The following ZNF227 variants were observed in gnomAD, a reference collection of about 807,000 sequenced individuals.
ZNF227 encodes zinc finger protein 227.
In ZNF227, 12 loss-of-function variants were observed where a neutral mutation model predicts 13.2. The observed-to-expected ratio is 0.91, with a 90% CI of 0.58 to 1.47. The LOEUF (loss-of-function observed/expected upper bound fraction) is 1.47, where lower values mean the gene tolerates loss of function less well. ZNF227 is among the 40% of genes most tolerant of loss of function. ZNF227 has a pLI of 0.00. For synonymous variants in ZNF227, 338 were observed against 326.0 expected (o/e 1.04, Z -0.40); for missense variants, 885 against 967.5 (o/e 0.91, Z 1.13).
At chr19:44,216,958 G>GTTTT (rs35474532) in intron 2 of ZNF227, among the ~76,000 whole-genome samples, 129 of 91,602 alleles carry the variant, frequency 1.4e-3, no homozygotes, top group African/African-American at 1.7e-3. Flanking sequence ...TCATCTGCTT[G>GTTTT]TTTTTTTTTT....
intron 5 of ZNF227, 140 bp downstream of exon 5, chr19:44,229,956 C>T (rs2122879320): frequency 4.4e-6 from 2 of 457,462 alleles, no homozygotes; most frequent in East Asian, 3.5e-5. Context: ...CTGGTCTCCC[C>T]ACCTCCTCCC....
At position 44,235,017 on chromosome 19, in the gene ZNF227, A is replaced by T; in HGVS notation, c.587A>T (p.Asp196Val). The T allele has an allele frequency of 6.2e-7, 1 of 1,614,174 alleles. No homozygotes were observed. Among genetic ancestry groups the T allele is most frequent in the Non-Finnish European group, 8.5e-7 (1 of 1,180,032 alleles). The change falls in exon 6 of 6, where the codon GAT becomes GTT. Residue 196 changes from aspartate (D) to valine (V), a missense_variant. Asp to Val is a radical substitution (Grantham distance 152). Transcript: ENST00000313040. ...ATTCAGAGTAGAGGTAAGCAAATTG[A>T]TGTGAAAAATAACCTGCAAATACAT... Reference protein sequence around the residue: ...SQIQSRGKQIDVKNNLQIHED... With the variant: ...SQIQSRGKQIVVKNNLQIHED...
At chr19:44,228,363 G>T in intron 3 of ZNF227, 83 bp from the exon 4 acceptor site, 3 of 1,492,680 alleles carry the variant, frequency 2.0e-6, no homozygotes, top group Non-Finnish European at 1.8e-6. Flanking sequence ...ACTTTTTTGT[G>T]GTGCTCTTTT....
intron 3 of ZNF227, among the ~76,000 whole-genome samples, chr19:44,219,784 T>TTTA (rs1161246467): frequency 6.0e-4 from 91 of 151,010 alleles, no homozygotes; most frequent in African/African-American, 2.2e-3. Flanking sequence ...TATTTATTTA[T>TTTA]TTATTATTAT....
chr19:44,234,887 A>G lies in ZNF227; in HGVS notation c.457A>G (p.Ile153Val), dbSNP rs762886838. The change falls in exon 6 of 6, where the codon ATA becomes GTA. Residue 153 changes from isoleucine (I) to valine (V), a missense_variant. By Grantham distance (29) the Ile-to-Val change is conservative (BLOSUM62 3). Transcript: ENST00000313040. ...TCAGGTTTCTGAAAATGAGAACAAT[A>G]TAATGAACCCTAAAGGAGATAGCTC... ...SIQVSENENN[I>V]MNPKGDSSIY... 1.2e-6 allele frequency: 2 copies of G among 1,613,282 alleles called. No individual in the cohort carries two copies. Among genetic ancestry groups the G allele is most frequent in the Non-Finnish European group, 1.7e-6 (2 of 1,179,836 alleles).
In ZNF227 at chr19:44,217,905, T is replaced by A; in HGVS notation, c.60+53T>A. 8 of 1,591,534 alleles carry A rather than the reference T, an allele frequency of 5.0e-6. 1 individual carries two copies. In the South Asian group the frequency reaches 8.8e-5, roughly 18 times the overall value. On this transcript the variant is annotated intron_variant, in intron 3 of 5. Transcript: ENST00000313040. ...TAAAATGTGATTTATTTCTCAAAGA[T>A]AACAGATTTATTTTTTCTCTTTCTT...
intron 3 of ZNF227, among the ~76,000 whole-genome samples, chr19:44,227,843 T>C (rs1187214155): frequency 6.6e-6 from 1 of 152,154 alleles, no homozygotes; most frequent in Non-Finnish European, 1.5e-5. Context: ...CATCCTGTAG[T>C]AGGTGGATGT....
At chr19:44,220,089 G>A (rs1239057420) in intron 3 of ZNF227, among the ~76,000 whole-genome samples, 1 of 152,074 alleles carries the variant, frequency 6.6e-6, no homozygotes, top group Non-Finnish European at 1.5e-5. Flanking sequence ...TTTCATCCAT[G>A]TCCCTACAAA....
intron 2 of ZNF227, among the ~76,000 whole-genome samples, chr19:44,216,387 T>C (rs1599774235): frequency 6.6e-6 from 1 of 152,206 alleles, no homozygotes; most frequent in Non-Finnish European, 1.5e-5. Flanking sequence ...AGGTCAACTA[T>C]ATTTTCTTTC....
Position 44,235,245 on chromosome 19 carries a change from A to G in ZNF227, c.815A>G (p.His272Arg), listed in dbSNP as rs762753006. ...AGGCTTCCCCTTCATCCGAATGTTC[A>G]TACAGGAGAAAAATGCTTCAGTCAA... ...SPRLPLHPNV[H>R]TGEKCFSQSS... The change falls in exon 6 of 6, where the codon CAT becomes CGT. Residue 272 changes from histidine (H) to arginine (R), a missense_variant. Transcript: ENST00000313040. The G allele has an allele frequency of 1.9e-6, 3 of 1,614,138 alleles. No homozygotes were observed. The South Asian group carries it at 3.3e-5, about 18-fold the overall frequency.
At chr19:44,212,286 AGAGG>A (rs1971412424), upstream of ZNF227, among the ~76,000 whole-genome samples, 1 of 151,866 alleles carries the variant, frequency 6.6e-6, no homozygotes, top group Non-Finnish European at 1.5e-5. Context: ...TAAGCCGTGA[AGAGG>A]ATTCTGGATG....
chr19:44,230,583 A>G (rs1366925833), intron 5 of ZNF227, among the ~76,000 whole-genome samples: 1 of 151,858 alleles, frequency 6.6e-6, no homozygotes, highest in Non-Finnish European at 1.5e-5. Flanking sequence ...CTTGGTGGAG[A>G]GGCTCCCCAG....
chr19:44,235,967 G>A lies in ZNF227; in HGVS notation c.1537G>A (p.Val513Ile), dbSNP rs753672356. 2 of 1,614,016 alleles carry A rather than the reference G, an allele frequency of 1.2e-6. No homozygotes were observed. The highest frequency in any genetic ancestry group is 1.7e-6 in the Non-Finnish European group (2 of 1,180,014). ...QASNLQVHQN[V>I]HTGEKRFKCE... ...TTCAAATCTTCAAGTCCATCAGAAT[G>A]TCCACACTGGGGAGAAACGATTCAA... Residue 513 changes from valine to isoleucine, a missense_variant, in exon 6 of 6, where the codon GTC (valine) becomes ATC (isoleucine). Transcript: ENST00000313040.
chr19:44,235,436 A>G lies in ZNF227; in HGVS notation c.1006A>G (p.Ser336Gly). ...CAGTTGCGGCAAGGGATTCAGTAGC[A>G]GCACGGGTCTTATCATTCATTACAG... ...CDSCGKGFSSSTGLIIHYRTH... is the reference protein window; with the variant it reads ...CDSCGKGFSSGTGLIIHYRTH... Residue 336 changes from serine (S) to glycine (G), a missense_variant, in exon 6 of 6, where the codon AGC becomes GGC. Ser to Gly is a moderately conservative substitution (Grantham distance 56). Coordinates refer to ENST00000313040, the MANE Select transcript of ZNF227 (RefSeq NM_182490.3). 1 of 1,614,158 alleles carries G rather than the reference A, an allele frequency of 6.2e-7. No individual in the cohort carries two copies. The highest frequency in any genetic ancestry group is 1.3e-5 in the African/African-American group (1 of 75,054).
In ZNF227 at chr19:44,236,342, G is replaced by C; in HGVS notation, c.1912G>C (p.Gly638Arg). 1 of 1,614,112 alleles carries C rather than the reference G, an allele frequency of 6.2e-7. No individual in the cohort carries two copies. Among genetic ancestry groups the C allele is most frequent in the Non-Finnish European group, 8.5e-7 (1 of 1,180,016 alleles). The change falls in exon 6 of 6, where the codon GGT becomes CGT. Residue 638 changes from glycine (G) to arginine (R), a missense_variant. Transcript: ENST00000313040. ...GAAGCCATACAAATGTGGTGTCTGT[G>C]GTAAGGGCTTCAGTCAGTCCTCTGG... is the stretch of plus-strand genomic sequence containing the variant. ...GEKPYKCGVC[G>R]KGFSQSSGLQ...
At chr19:44,229,710 C>T (rs1215692526) in intron 4 of ZNF227, 23 bp from the exon 5 acceptor site, 1 of 1,528,090 alleles carries the variant, frequency 6.5e-7, no homozygotes, top group Non-Finnish European at 8.9e-7. Context: ...ATCTTAAATA[C>T]ATAAAAATCT....
chr19:44,235,126 C>A lies in ZNF227; in HGVS notation c.696C>A (p.Gly232=). The change falls in exon 6 of 6, where the codon GGC becomes GGA. Residue 232 remains glycine (G), a synonymous_variant. Coordinates refer to ENST00000313040, the MANE Select transcript of ZNF227 (RefSeq NM_182490.3). ...AACCCTGCAAAGGTAATGAATATGG[C>A]AAAATCATTAGTGATGGCTCCAATC... ...EPKPCKGNEY[G]KIISDGSNQK... 1 of 1,614,096 alleles carries A rather than the reference C, an allele frequency of 6.2e-7. No homozygotes were observed. Among genetic ancestry groups the A allele is most frequent in the Non-Finnish European group, 8.5e-7 (1 of 1,180,022 alleles).
chr19:44,213,849 A>G (rs1971571060), intron 2 of ZNF227: 1 of 152,206 alleles, frequency 6.6e-6, no homozygotes. Flanking sequence ...ACTTAATTTC[A>G]TTCCATGTCA....
chr19:44,235,979 G>A lies in ZNF227; in HGVS notation c.1549G>A (p.Glu517Lys), dbSNP rs758105291. 1 of 1,613,920 alleles carries A rather than the reference G, an allele frequency of 6.2e-7. No individual in the cohort carries two copies. The highest frequency in any genetic ancestry group is 8.5e-7 in the Non-Finnish European group (1 of 1,180,016). ...LQVHQNVHTG[E>K]KRFKCETCGK... The stretch of plus-strand genomic sequence containing the variant: ...AGTCCATCAGAATGTCCACACTGGG[G>A]AGAAACGATTCAAGTGTGAAACGTG... The change falls in exon 6 of 6, where the codon GAG becomes AAG. Residue 517 changes from glutamate to lysine, a missense_variant. By Grantham distance (56) the Glu-to-Lys change is moderately conservative. Coordinates refer to ENST00000313040, the MANE Select transcript of ZNF227 (RefSeq NM_182490.3).
Sources: gnomAD v4.1 joint callset for allele counts (sites outside exome capture counted in the v4.1 genomes callset) on GRCh38, gnomAD v4.1.1 for gene constraint, MANE v1.5 for transcripts, NCBI Gene and HGNC (gene_info 2026-07-23, HGNC 2026-07-21) for gene names.